Variants in PDE11A observed in about 807,000 individuals in gnomAD.
PDE11A encodes the protein phosphodiesterase 11A.
A neutral mutation model predicts 100.5 loss-of-function variants in PDE11A; 100 were observed. That is an observed-to-expected ratio of 1.00 (90% confidence interval 0.85 to 1.18). The LOEUF is 1.18. Ranked by LOEUF, PDE11A falls within the 50% of genes most tolerant of loss-of-function variation. The pLI, the probability that PDE11A is intolerant of heterozygous loss-of-function variation, is 0.00. For synonymous variants in PDE11A, 381 were observed against 420.8 expected (o/e 0.91, Z 1.16); for missense variants, 1,141 against 1,152.6 (o/e 0.99, Z 0.15).
intron 4 of PDE11A, among the ~76,000 whole-genome samples, chr2:177,897,800 T>A (rs1243910959): frequency 2.6e-5 from 4 of 152,168 alleles, no homozygotes; most frequent in Admixed American, 2.6e-4. Flanking sequence ...CCTTAGTTCC[T>A]TCATCTGCAA....
chr2:177,741,042 C>A (rs11684634), intron 10 of PDE11A, among the ~76,000 whole-genome samples: 108,809 of 152,142 alleles, frequency 0.72, 40,270 homozygotes, highest in East Asian at 0.86. Flanking sequence ...TGAAAAGCTT[C>A]AGTGAGACAA....
At chr2:177,674,609 A>G (rs2080739587) in intron 17 of PDE11A, among the ~76,000 whole-genome samples, 1 of 152,202 alleles carries the variant, frequency 6.6e-6, no homozygotes, top group African/African-American at 2.4e-5. Context: ...TCACATTTGC[A>G]AAGATACTCT....
chr2:177,779,140 C>A (rs918918586), intron 9 of PDE11A, among the ~76,000 whole-genome samples: 2 of 152,114 alleles, frequency 1.3e-5, no homozygotes, highest in Non-Finnish European at 2.9e-5. Context: ...TATGTTTATA[C>A]TATGCTGTAG....
intron 12 of PDE11A, among the ~76,000 whole-genome samples, chr2:177,717,136 CCA>C (rs1475100927): frequency 2.0e-5 from 3 of 152,098 alleles, no homozygotes; most frequent in African/African-American, 4.8e-5. Flanking sequence ...AGTACAGCAC[CCA>C]CACACAGTCA....
intron 6 of PDE11A, among the ~76,000 whole-genome samples, chr2:177,836,692 C>T (rs1050750294): frequency 6.6e-6 from 1 of 152,196 alleles, no homozygotes; most frequent in Non-Finnish European, 1.5e-5. Context: ...TGAGCTGTAA[C>T]ACTCACAGCG....
intron 2 of PDE11A, among the ~76,000 whole-genome samples, chr2:178,077,878 C>T (rs2087227510): frequency 6.6e-6 from 1 of 151,702 alleles, no homozygotes; most frequent in Non-Finnish European, 1.5e-5. Flanking sequence ...TCCAGGATTA[C>T]TGGTGGCCAC....
rs75437575 is a variant in PDE11A at position 177,629,544 on chromosome 2, C to G, written c.2665G>C (p.Val889Leu). ...GAATCTAGCATCGGCTTCAGTTTCA[C>G]GTTGACCTTCACCAGTGCCTAAAAC... ...PLYQALVKVN[V>L]KLKPMLDSVA... The change falls in exon 20 of 20, where the codon GTG (valine) becomes CTG (leucine). Residue 889 changes from valine to leucine, a missense_variant. By Grantham distance (32) the Val-to-Leu change is conservative (BLOSUM62 1). Coordinates refer to ENST00000286063, the MANE Select transcript of PDE11A (RefSeq NM_016953.4). The G allele has an allele frequency of 5.0e-6, 8 of 1,609,454 alleles. No individual in the cohort carries two copies. The highest frequency in any genetic ancestry group is 6.8e-6 in the Non-Finnish European group (8 of 1,177,334).
At chr2:177,865,712 T>C (rs750919612) in intron 5 of PDE11A, among the ~76,000 whole-genome samples, 18 of 152,334 alleles carry the variant, frequency 1.2e-4, no homozygotes, top group Admixed American at 2.6e-4. Context: ...CATGAATGAA[T>C]AGTGAAAACA....
chr2:178,000,877 A>T (rs1352886453), intron 2 of PDE11A, among the ~76,000 whole-genome samples: 2 of 152,182 alleles, frequency 1.3e-5, no homozygotes, highest in African/African-American at 2.4e-5. Flanking sequence ...CCATCTATAC[A>T]TGTATATCAG....
At chr2:177,768,682 T>C (rs553818978) in intron 10 of PDE11A, among the ~76,000 whole-genome samples, 1 of 152,296 alleles carries the variant, frequency 6.6e-6, no homozygotes, top group East Asian at 1.9e-4. Flanking sequence ...CACTCATTCA[T>C]AGACTCATCA....
chr2:177,816,547 AATT>A (rs1315010608), intron 9 of PDE11A, among the ~76,000 whole-genome samples: 2 of 152,190 alleles, frequency 1.3e-5, no homozygotes, highest in African/African-American at 4.8e-5. Flanking sequence ...AATCCTGCCA[AATT>A]ATCTTTGGAT....
intron 1 of PDE11A, among the ~76,000 whole-genome samples, chr2:178,029,797 G>A (rs1458004916): frequency 1.3e-5 from 2 of 152,174 alleles, no homozygotes; most frequent in Non-Finnish European, 2.9e-5. Context: ...ATATTAGGAA[G>A]TGGGACCTTT....
chr2:177,631,322 A>AAAAAACAAAAAAAAC (rs1469522170), intron 19 of PDE11A, among the ~76,000 whole-genome samples: 1 of 16,892 alleles, frequency 5.9e-5, no homozygotes, highest in African/African-American at 9.2e-5. Context: ...AAAAAAAAAA[A>AAAAAACAAAAAAAAC]CAACCTAGGC....
At chr2:177,847,312 G>T (rs2083617219) in intron 5 of PDE11A, among the ~76,000 whole-genome samples, 1 of 152,070 alleles carries the variant, frequency 6.6e-6, no homozygotes, top group African/African-American at 2.4e-5. Flanking sequence ...ATAAGTTTTT[G>T]GAAGTTTAAA....
At chr2:177,814,611 C>G (rs915194209) in intron 9 of PDE11A, among the ~76,000 whole-genome samples, 1 of 152,164 alleles carries the variant, frequency 6.6e-6, no homozygotes, top group African/African-American at 2.4e-5. Flanking sequence ...AAGTCAATGC[C>G]TATAAGTCAA....
intron 1 of PDE11A, among the ~76,000 whole-genome samples, chr2:178,069,176 C>A (rs1326370232): frequency 6.6e-6 from 1 of 152,048 alleles, no homozygotes; most frequent in Non-Finnish European, 1.5e-5. Flanking sequence ...ATTTTAGGGG[C>A]TTTGACACAA....
chr2:177,750,164 G>A (rs1422278519), intron 10 of PDE11A, among the ~76,000 whole-genome samples: 2 of 152,176 alleles, frequency 1.3e-5, no homozygotes, highest in Non-Finnish European at 2.9e-5. Flanking sequence ...TCCTTTCAGA[G>A]ATCCCTGGCT....
chr2:178,025,219 G>C (rs1338289718), intron 1 of PDE11A, among the ~76,000 whole-genome samples: 1 of 152,184 alleles, frequency 6.6e-6, no homozygotes, highest in Non-Finnish European at 1.5e-5. Context: ...ACTCTTTTAT[G>C]GACCTGAAGT....
intron 9 of PDE11A, among the ~76,000 whole-genome samples, chr2:177,804,523 A>G (rs1225200149): frequency 1.3e-5 from 2 of 152,000 alleles, no homozygotes; most frequent in African/African-American, 4.8e-5. Flanking sequence ...GAGATTTCTC[A>G]AAGAACTAAA....
Sources: allele counts gnomAD v4.1 joint callset (sites outside exome capture counted in the v4.1 genomes callset), GRCh38; gene constraint gnomAD v4.1.1; transcripts MANE v1.5; gene names NCBI Gene and HGNC (gene_info 2026-07-23, HGNC 2026-07-21).